Variants in NKTR observed in about 807,000 individuals in gnomAD.
NKTR encodes the protein natural killer cell triggering receptor.
NKTR carries 67 observed loss-of-function variants against 156.3 expected under a neutral mutation model. The observed-to-expected ratio is 0.43, with a 90% CI of 0.35 to 0.53. The LOEUF (loss-of-function observed/expected upper bound fraction) is 0.53. Ranked by LOEUF, NKTR falls within the 20% of genes least tolerant of loss-of-function variation. NKTR has a pLI of 0.01. For synonymous variants in NKTR, 640 were observed against 596.6 expected (o/e 1.07, Z -1.06); for missense variants, 1,604 against 1,730.9 (o/e 0.93, Z 1.30).
intron 6 of NKTR, chr3:42,628,784 C>G (rs549389163): frequency 1.5e-6 from 1 of 672,696 alleles, no homozygotes; most frequent in East Asian, 1.4e-4. Flanking sequence ...GGTGGATCAC[C>G]TGAGGTCAGG....
chr3:42,646,106 C>A lies in NKTR; in HGVS notation c.*131C>A. On this transcript the variant is annotated 3_prime_UTR_variant, in exon 17 of 17. Transcript: ENST00000232978. ...AAAAATAGACACTTCTTAATTGTTACTGGTTCATTTACATGTGGGGAGAAG... is the reference window on the plus strand; with the variant it reads ...AAAAATAGACACTTCTTAATTGTTAATGGTTCATTTACATGTGGGGAGAAG... 1 of 582,408 alleles carries A rather than the reference C, an allele frequency of 1.7e-6. No individual in the cohort carries two copies. Among genetic ancestry groups the A allele is most frequent in the Non-Finnish European group, 3.1e-6 (1 of 322,272 alleles). 36.1% of individuals were successfully genotyped at this position (582,408 alleles called of 1,614,324 possible).
intron 12 of NKTR, 70 bp from the exon 13 acceptor site, chr3:42,636,798 C>G: frequency 6.7e-7 from 1 of 1,489,696 alleles, no homozygotes; most frequent in South Asian, 1.5e-5. Context: ...TTGTTGTTAA[C>G]AAAGCTGTGT....
chr3:42,608,226 G>A (rs144781795), intron 2 of NKTR, among the ~76,000 whole-genome samples: 11 of 151,694 alleles, frequency 7.3e-5, no homozygotes, highest in African/African-American at 2.4e-4. Flanking sequence ...CCTGACCTCA[G>A]GTAATCCACC....
At chr3:42,623,930 G>T (rs1708140970) in intron 6 of NKTR, 1 of 152,084 alleles carries the variant, frequency 6.6e-6, no homozygotes, top group Non-Finnish European at 1.5e-5. Flanking sequence ...TGTTTTTGTA[G>T]TTTTTGTTAC....
chr3:42,626,533 TA>T (rs1708407074), intron 6 of NKTR, among the ~76,000 whole-genome samples: 1 of 152,126 alleles, frequency 6.6e-6, no homozygotes, highest in South Asian at 2.1e-4. Flanking sequence ...AGAAGGTCCC[TA>T]AAATTGTAGT....
At chr3:42,629,095 C>T in intron 6 of NKTR, 2 of 963,398 alleles carry the variant, frequency 2.1e-6, no homozygotes, top group African/African-American at 3.5e-5. Flanking sequence ...CTTTAGTGTA[C>T]TTTGGTAAAG....
At chr3:42,617,415 A>G (rs1559559632) in intron 2 of NKTR, among the ~76,000 whole-genome samples, 155 bp from the exon 3 acceptor site, 1 of 152,232 alleles carries the variant, frequency 6.6e-6, no homozygotes, top group Non-Finnish European at 1.5e-5. Flanking sequence ...GTTCATAGGT[A>G]TCACCCAGTT....
At chr3:42,640,824 G>A (rs1292552449) in intron 13 of NKTR, among the ~76,000 whole-genome samples, 1 of 152,180 alleles carries the variant, frequency 6.6e-6, no homozygotes, top group Non-Finnish European at 1.5e-5. Flanking sequence ...TTTCGTCCCT[G>A]TGTTCTAGGC....
chr3:42,630,358 A>G, intron 6 of NKTR, 188 bp from the exon 7 acceptor site: 1 of 1,400,120 alleles, frequency 7.1e-7, no homozygotes, highest in Non-Finnish European at 9.3e-7. Flanking sequence ...GAGTTTTTTA[A>G]ATTAGTAAGA....
At chr3:42,607,113 A>AAT (rs1485468389) in intron 2 of NKTR, among the ~76,000 whole-genome samples, 1 of 152,224 alleles carries the variant, frequency 6.6e-6, no homozygotes, top group East Asian at 1.9e-4. Context: ...TACTTACAAC[A>AAT]ATATAAAAGT....
At chr3:42,619,900 T>A (rs1472251959) in intron 5 of NKTR, 192 bp downstream of exon 5, 8 of 1,418,250 alleles carry the variant, frequency 5.6e-6, no homozygotes, top group Non-Finnish European at 7.4e-6. Context: ...TTGACAAGAT[T>A]AATTAAGGCT....
At chr3:42,624,790 G>T (rs1229060420) in intron 6 of NKTR, among the ~76,000 whole-genome samples, 1 of 152,004 alleles carries the variant, frequency 6.6e-6, no homozygotes, top group Non-Finnish European at 1.5e-5. Context: ...ATGACATTTG[G>T]GGAAACATTC....
chr3:42,610,455 A>G (rs1706674947), intron 2 of NKTR, among the ~76,000 whole-genome samples: 1 of 151,728 alleles, frequency 6.6e-6, no homozygotes. Context: ...ATATCTGAGA[A>G]TATGTGTGTC....
intron 10 of NKTR, 133 bp from the exon 11 acceptor site, chr3:42,634,480 T>G: frequency 1.9e-6 from 1 of 520,024 alleles, no homozygotes. Flanking sequence ...AGCCTGATAT[T>G]GTCTTGTTTT....
chr3:42,627,845 C>G, intron 6 of NKTR: 1 of 985,306 alleles, frequency 1.0e-6, no homozygotes, highest in Non-Finnish European at 1.2e-6. Context: ...GTCACCATTG[C>G]ACAGCTCTTT....
Position 42,642,534 on chromosome 3 carries a change from A to T in NKTR, c.4080A>T (p.Gly1360=), listed in dbSNP as rs1709977656. The T allele has an allele frequency of 6.2e-7, 1 of 1,613,882 alleles. No individual in the cohort carries two copies. The highest frequency in any genetic ancestry group is 8.5e-7 in the Non-Finnish European group (1 of 1,179,908). The change falls in exon 14 of 17, where the codon GGA becomes GGT. Residue 1360 remains glycine, a synonymous_variant. Coordinates refer to ENST00000232978, the MANE Select transcript of NKTR (RefSeq NM_005385.4). ...GCTACTCTAGAAGTCGGAGCAGAGGATGGTACAGCAGAGGCCGAACCAGAA... is the reference window on the plus strand; with the variant it reads ...GCTACTCTAGAAGTCGGAGCAGAGGTTGGTACAGCAGAGGCCGAACCAGAA... ...SRSYSRSRSR[G]WYSRGRTRSR...
At chr3:42,636,789 T>G (rs1347543955) in intron 12 of NKTR, 79 bp from the exon 13 acceptor site, 15 of 1,485,468 alleles carry the variant, frequency 1.0e-5, no homozygotes, top group Middle Eastern at 1.9e-4. Context: ...TCAAGAACTT[T>G]GTTGTTAACA....
intron 6 of NKTR, 76 bp from the exon 7 acceptor site, chr3:42,630,470 T>TTA: frequency 6.3e-7 from 1 of 1,599,566 alleles, no homozygotes. Context: ...CTACATGCTG[T>TTA]GTTTAAACCT....
chr3:42,630,362 AGTAAGATGGCTACT>A (rs1559574071), intron 6 of NKTR, 170 bp from the exon 7 acceptor site: 18 of 1,402,892 alleles, frequency 1.3e-5, no homozygotes, highest in Admixed American at 9.6e-5. Context: ...TTTTTAAATT[AGTAAGATGGCTACT>A]ATTGCTGTTT....
Sources: gnomAD v4.1 joint callset for allele counts (sites outside exome capture counted in the v4.1 genomes callset) on GRCh38, gnomAD v4.1.1 for gene constraint, MANE v1.5 for transcripts, NCBI Gene and HGNC (gene_info 2026-07-23, HGNC 2026-07-21) for gene names.